ZNF627: variants seen among roughly 807,000 people sequenced by gnomAD.
The protein encoded by ZNF627 is zinc finger protein 627.
ZNF627 carries 12 observed loss-of-function variants against 10.6 expected under a neutral mutation model. That is an observed-to-expected ratio of 1.13 (90% CI 0.73 to 1.84). ZNF627 has a LOEUF of 1.84. ZNF627 is among the 40% of genes most tolerant of loss of function. The probability of loss-of-function intolerance (pLI) is 0.00; values close to 1 mark genes in which losing one functional copy is unlikely to be tolerated. For missense variants in ZNF627, 504 were observed against 568.4 expected, an observed-to-expected ratio of 0.89 and a Z score of 1.15; for synonymous variants, 176 against 187.1, an observed-to-expected ratio of 0.94 and a Z score of 0.48.
intron 3 of ZNF627, 135 bp from the exon 4 acceptor site, chr19:11,616,560 T>G: frequency 1.6e-6 from 1 of 611,030 alleles, no homozygotes; most frequent in East Asian, 3.1e-5. Context: ...GAGTTCAGGG[T>G]TCACGCCTGG....
rs35877992 is a variant in ZNF627, at chr19:11,613,916, ATTTTTTTTTT to A, written c.4-597_4-588del. 3.2e-5 allele frequency among the ~76,000 whole-genome samples: 3 copies of A among 92,502 alleles called. No individual in the cohort carries two copies. The Admixed American group carries it at 3.6e-4, about 11-fold the overall frequency. The allele number at this position is 92,502 out of a possible 152,430, so 60.7% of individuals were successfully genotyped here. On this transcript the variant is annotated intron_variant, in intron 1 of 3. Coordinates refer to ENST00000361113, the MANE Select transcript of ZNF627 (RefSeq NM_145295.4). ...CTTTTTTCTGCACTCTAGTTACTAG[ATTTTTTTTTT>A]TTTTTTTTTTTTTGAGACGGAGTCT...
intron 1 of ZNF627, among the ~76,000 whole-genome samples, chr19:11,604,825 T>C (rs1264576422): frequency 6.6e-6 from 1 of 152,120 alleles, no homozygotes. Flanking sequence ...AGGAATATTA[T>C]TGGATTTATA....
chr19:11,611,435 C>T (rs938436721), intron 1 of ZNF627, among the ~76,000 whole-genome samples: 1 of 152,254 alleles, frequency 6.6e-6, no homozygotes, highest in East Asian at 1.9e-4. Context: ...CTCAAGGAAT[C>T]CTCTTCCCCC....
At chr19:11,607,322 G>C (rs1210814521) in intron 1 of ZNF627, among the ~76,000 whole-genome samples, 1 of 152,094 alleles carries the variant, frequency 6.6e-6, no homozygotes, top group South Asian at 2.1e-4. Context: ...ATTTAGTAGA[G>C]AAGGGGTTTC....
chr19:11,600,167 G>A lies in ZNF627; in HGVS notation c.3+2537G>A, dbSNP rs542285334. On this transcript the variant is annotated intron_variant, in intron 1 of 3. Coordinates refer to ENST00000361113, the MANE Select transcript of ZNF627 (RefSeq NM_145295.4). ...TAAAAATTATTACTTATGGCTGGGCGCGATGGCTCACGCATGTAATCCCAG... is the reference window on the plus strand; with the variant it reads ...TAAAAATTATTACTTATGGCTGGGCACGATGGCTCACGCATGTAATCCCAG... Among the ~76,000 whole-genome samples, 4 of 152,212 alleles carry A rather than the reference G, an allele frequency of 2.6e-5. No individual in the cohort carries two copies. The East Asian group carries it at 7.7e-4, about 29-fold the overall frequency.
intron 1 of ZNF627, among the ~76,000 whole-genome samples, chr19:11,602,271 G>A (rs1162689902): frequency 6.6e-6 from 1 of 152,128 alleles, no homozygotes; most frequent in African/African-American, 2.4e-5. Flanking sequence ...TTGTTAACAG[G>A]TACTTTGTTC....
chr19:11,613,029 C>T (rs995606016), intron 1 of ZNF627, among the ~76,000 whole-genome samples: 4 of 145,026 alleles, frequency 2.8e-5, no homozygotes, highest in African/African-American at 1.0e-4. Flanking sequence ...TGGGCACACT[C>T]GCCAAAAGTC....
Position 11,618,173 on chromosome 19 carries a change from A to T in ZNF627, c.*284A>T. 1 of 349,872 alleles carries T rather than the reference A, an allele frequency of 2.9e-6. No homozygotes were observed. The allele number at this position is 349,872 out of a possible 1,614,324, so 21.7% of individuals were successfully genotyped here. A position where few individuals can be genotyped will look rare whatever the true frequency, so the allele number is the denominator to read the frequency against. On this transcript the variant is annotated 3_prime_UTR_variant, in exon 4 of 4. Coordinates refer to ENST00000361113, the MANE Select transcript of ZNF627 (RefSeq NM_145295.4). ...ATACAATTCACCAGTAACCTATCTTACATGAGATTCGGAAGTAAGTTAAGA... is the reference window on the plus strand; with the variant it reads ...ATACAATTCACCAGTAACCTATCTTTCATGAGATTCGGAAGTAAGTTAAGA...
chr19:11,609,690 G>C (rs1199087685), intron 1 of ZNF627, among the ~76,000 whole-genome samples: 1 of 151,294 alleles, frequency 6.6e-6, no homozygotes, highest in African/African-American at 2.4e-5. Flanking sequence ...GCTAATGTTT[G>C]TGTATTTTTA....
intron 1 of ZNF627, among the ~76,000 whole-genome samples, chr19:11,612,249 T>C (rs1279616367): frequency 1.3e-5 from 2 of 150,136 alleles, no homozygotes; most frequent in African/African-American, 2.5e-5. Context: ...GCCTCCCGAG[T>C]AGCTGGGACT....
At chr19:11,610,519 C>T (rs140894663) in intron 1 of ZNF627, among the ~76,000 whole-genome samples, 5 of 152,226 alleles carry the variant, frequency 3.3e-5, no homozygotes, top group African/African-American at 9.6e-5. Flanking sequence ...GGAGGATCAT[C>T]TGAGCCTAGG....
chr19:11,618,027 G>A lies in ZNF627; in HGVS notation c.*138G>A, dbSNP rs948728289. 19 of 697,862 alleles carry A rather than the reference G, an allele frequency of 2.7e-5. No homozygotes were observed. The highest frequency in any genetic ancestry group is 5.1e-5 in the South Asian group (2 of 39,230). The allele number at this position is 697,862 out of a possible 1,614,324, so 43.2% of individuals were successfully genotyped here. A position where few individuals can be genotyped will look rare whatever the true frequency, so the allele number is the denominator to read the frequency against. ...TGTAAGATAATTGGCTTTAAATTAC[G>A]AGAGACTTGTGATAGGACAGTAAAA... On this transcript the variant is annotated 3_prime_UTR_variant, in exon 4 of 4. Coordinates refer to ENST00000361113, the MANE Select transcript of ZNF627 (RefSeq NM_145295.4).
Position 11,614,605 on chromosome 19 carries a change from C to G in ZNF627, c.82C>G (p.Leu28Val). The G allele has an allele frequency of 1.2e-6, 2 of 1,613,778 alleles. No homozygotes were observed. Among genetic ancestry groups the G allele is most frequent in the Non-Finnish European group, 1.7e-6 (2 of 1,179,964 alleles). The change falls in exon 2 of 4, where the codon CTC becomes GTC. Residue 28 changes from leucine (L) to valine (V), a missense_variant. By Grantham distance (32) the Leu-to-Val change is conservative. Coordinates refer to ENST00000361113, the MANE Select transcript of ZNF627 (RefSeq NM_145295.4). ...TTTGCTGGATCCTTCCCAGAAGAAT[C>G]TCTACAGGGATGTGATGCGGGAAAC... ...WALLDPSQKN[L>V]YRDVMRETFR...
chr19:11,607,386 T>G (rs1166037700), intron 1 of ZNF627, among the ~76,000 whole-genome samples: 1 of 152,144 alleles, frequency 6.6e-6, no homozygotes, highest in African/African-American at 2.4e-5. Context: ...TCCGCCTGCC[T>G]CAGCCTCCCA....
At chr19:11,615,160 A>G (rs998243548) in intron 3 of ZNF627, among the ~76,000 whole-genome samples, 9 of 150,722 alleles carry the variant, frequency 6.0e-5, no homozygotes, top group Non-Finnish European at 1.0e-4. Context: ...GTTGGCCAGG[A>G]TGGTCTTGTT....
chr19:11,614,495 C>T (rs759989930), intron 1 of ZNF627, 32 bp from the exon 2 acceptor site: 2 of 1,613,344 alleles, frequency 1.2e-6, no homozygotes, highest in Non-Finnish European at 1.7e-6. Context: ...TCTGTCTCAA[C>T]CTTCCTCCTC....
At chr19:11,607,437 GT>G (rs200795689) in intron 1 of ZNF627, among the ~76,000 whole-genome samples, 1 of 151,158 alleles carries the variant, frequency 6.6e-6, no homozygotes, top group African/African-American at 2.4e-5. Flanking sequence ...GCCTGGCTGG[GT>G]TTTTTTTTCT....
At chr19:11,615,673 A>G (rs1249734343) in intron 3 of ZNF627, among the ~76,000 whole-genome samples, 4 of 151,820 alleles carry the variant, frequency 2.6e-5, no homozygotes, top group African/African-American at 9.7e-5. Flanking sequence ...TGTTTGCAAA[A>G]TAGTTCAATT....
At chr19:11,607,540 G>A (rs1453981296) in intron 1 of ZNF627, among the ~76,000 whole-genome samples, 1 of 152,092 alleles carries the variant, frequency 6.6e-6, no homozygotes, top group African/African-American at 2.4e-5. Context: ...ACCAGATACC[G>A]TAAGTCATCT....
Sources: allele counts gnomAD v4.1 joint callset (sites outside exome capture counted in the v4.1 genomes callset), GRCh38; gene constraint gnomAD v4.1.1; transcripts MANE v1.5; gene names NCBI Gene and HGNC (gene_info 2026-07-23, HGNC 2026-07-21).